CDH3: variants seen among roughly 807,000 people sequenced by gnomAD.
CDH3 encodes cadherin 3.
In CDH3, 54 loss-of-function variants were observed where a neutral mutation model predicts 82.0. The observed-to-expected ratio is 0.66, with a 90% CI of 0.53 to 0.83. The LOEUF is 0.83. Among genes scored for constraint, CDH3 ranks in the 40% least tolerant of loss-of-function variants. The pLI, the probability that CDH3 is intolerant of heterozygous loss-of-function variation, is 0.00. For missense variants in CDH3, 1,054 were observed against 1,084.6 expected (o/e 0.97, Z 0.40); for synonymous variants, 446 against 437.9 (o/e 1.02, Z -0.23).
rs376402321 is a variant in CDH3 at position 68,707,935 on chromosome 16, C to T, written c.99+12012C>T. On this transcript the variant is annotated intron_variant, in intron 1 of 2. Transcript: ENST00000569080. This position sits in a 1 kb window ranked among gnomAD's most constrained non-coding sequence, Gnocchi z 4.5. ...CCACTGTTGTCCATCCGGTAAACCA[C>T]GGCCAGCCCACAGCTGACAGGGCAG... is the stretch of plus-strand genomic sequence containing the variant. 6.6e-6 allele frequency among the ~76,000 whole-genome samples: 1 copy of T among 152,048 alleles called. No homozygotes were observed. Among genetic ancestry groups the T allele is most frequent in the East Asian group, 1.9e-4 (1 of 5,180 alleles).
chr16:68,724,953 C>A (rs551733140), intron 2 of CDH3, among the ~76,000 whole-genome samples: 4 of 152,236 alleles, frequency 2.6e-5, no homozygotes, highest in Admixed American at 6.5e-5. Flanking sequence ...TTTATCTCTC[C>A]GTCCCAAGTA....
chr16:68,670,028 G>T (rs931845948), intron 2 of CDH3, among the ~76,000 whole-genome samples: 15 of 151,936 alleles, frequency 9.9e-5, no homozygotes, highest in Non-Finnish European at 4.4e-5. Context: ...TTTGAGACCA[G>T]CCTGACCAAC....
At chr16:68,721,213 C>T (rs561273826) in intron 1 of CDH3, among the ~76,000 whole-genome samples, 2 of 145,938 alleles carry the variant, frequency 1.4e-5, no homozygotes, top group African/African-American at 2.5e-5. Flanking sequence ...GGACCTTACC[C>T]TTTATGCAGT....
chr16:68,677,285 C>CATTTCTTGTACATTTT (rs1597805745), intron 3 of CDH3, among the ~76,000 whole-genome samples: 2 of 152,276 alleles, frequency 1.3e-5, no homozygotes, highest in East Asian at 3.9e-4. Context: ...CTGACTTCAT[C>CATTTCTTGTACATTTT]CATGTACAAG....
chr16:68,687,451 GC>G (rs1022785615), intron 11 of CDH3, 60 bp from the exon 12 acceptor site: 4 of 1,357,482 alleles, frequency 2.9e-6, no homozygotes, highest in Admixed American at 3.4e-5. Context: ...AACAGGAGGA[GC>G]CCCCCTGAGG....
rs897013928 is a variant in CDH3, at chr16:68,678,952, C to T, written c.691+46C>T. ...ACTGCTACGGGGCTGGGCCCACACCCTTAAATGCTAAAAGATCCCACCATA... is the reference window on the plus strand; with the variant it reads ...ACTGCTACGGGGCTGGGCCCACACCTTTAAATGCTAAAAGATCCCACCATA... On this transcript the variant is annotated intron_variant, in intron 6 of 15. Coordinates refer to ENST00000264012, the MANE Select transcript of CDH3 (RefSeq NM_001793.6). The T allele has an allele frequency of 2.5e-6, 4 of 1,595,450 alleles. No individual in the cohort carries two copies. The African/African-American group carries it at 4.0e-5, about 16-fold the overall frequency.
At chr16:68,676,164 C>G (rs532416877) in intron 2 of CDH3, among the ~76,000 whole-genome samples, 1 of 152,320 alleles carries the variant, frequency 6.6e-6, no homozygotes, top group East Asian at 1.9e-4. Context: ...GACCCACAAA[C>G]TGACCACCAG....
chr16:68,671,739 C>T (rs1263460354), intron 2 of CDH3, among the ~76,000 whole-genome samples: 2 of 152,046 alleles, frequency 1.3e-5, no homozygotes, highest in African/African-American at 4.8e-5. Flanking sequence ...CCAGGCTGAT[C>T]TCAAACTCCT....
chr16:68,699,177 G>A lies in CDH3; in HGVS notation c.*777G>A, dbSNP rs1961839274. On this transcript the variant is annotated 3_prime_UTR_variant, in exon 16 of 16. Transcript: ENST00000264012. ...GAGTTCTGCAAAAAGAGTGGGCTCT[G>A]TTTACCCTGCTGGCTTCACCCAAGC... The A allele has an allele frequency of 6.6e-6, 1 of 152,182 alleles. No individual in the cohort carries two copies. Among genetic ancestry groups the A allele is most frequent in the Admixed American group, 6.5e-5 (1 of 15,272 alleles). 9.4% of individuals were successfully genotyped at this position (152,182 alleles called of 1,614,324 possible).
downstream of CDH3, among the ~76,000 whole-genome samples, chr16:68,701,326 A>T (rs758349315): frequency 1.3e-5 from 2 of 152,122 alleles, no homozygotes; most frequent in African/African-American, 4.8e-5. Context: ...CCTGCTTCTC[A>T]TCTGCAAAAC....
At chr16:68,690,651 G>A (rs1321770111) in intron 12 of CDH3, among the ~76,000 whole-genome samples, 2 of 151,922 alleles carry the variant, frequency 1.3e-5, no homozygotes, top group East Asian at 3.9e-4. Context: ...GCTCACGCCT[G>A]TAATCCCAGC....
chr16:68,709,114 T>C (rs1961998351), intron 1 of CDH3, among the ~76,000 whole-genome samples: 1 of 152,046 alleles, frequency 6.6e-6, no homozygotes, highest in African/African-American at 2.4e-5. Flanking sequence ...TCTCACTCCA[T>C]CTACTAGGCT....
downstream of CDH3, among the ~76,000 whole-genome samples, chr16:68,729,346 C>A (rs966577373): frequency 9.9e-5 from 15 of 152,112 alleles, no homozygotes; most frequent in Non-Finnish European, 2.1e-4. Flanking sequence ...GAACAAATGA[C>A]CCTGTGTGTT....
At chr16:68,650,682 A>G (rs1272850944) in intron 2 of CDH3, among the ~76,000 whole-genome samples, 1 of 152,138 alleles carries the variant, frequency 6.6e-6, no homozygotes, top group Non-Finnish European at 1.5e-5. Context: ...GGGAAGAGGC[A>G]AGGCAACTGG....
At chr16:68,712,174 C>T (rs531736943) in intron 1 of CDH3, among the ~76,000 whole-genome samples, 3 of 151,538 alleles carry the variant, frequency 2.0e-5, no homozygotes, top group Admixed American at 2.0e-4. Flanking sequence ...GTAGCTGGCA[C>T]TACAGGTGCA....
At chr16:68,700,879 T>C (rs188179284), downstream of CDH3, among the ~76,000 whole-genome samples, 1 of 152,104 alleles carries the variant, frequency 6.6e-6, no homozygotes, top group Admixed American at 6.6e-5. Flanking sequence ...TGAAGTCGGA[T>C]GAGAAAGCTC....
chr16:68,666,588 A>G (rs375271962), intron 2 of CDH3, among the ~76,000 whole-genome samples: 5 of 152,248 alleles, frequency 3.3e-5, no homozygotes, highest in African/African-American at 1.2e-4. Context: ...CTCACTGGCC[A>G]CCATCTTGGT....
intron 2 of CDH3, among the ~76,000 whole-genome samples, chr16:68,654,929 A>C (rs192890722): frequency 6.6e-6 from 1 of 151,378 alleles, no homozygotes; most frequent in South Asian, 2.1e-4. Flanking sequence ...CTAGCTACTC[A>C]GGAGGCTGAG....
chr16:68,717,193 T>C (rs1394484727), intron 1 of CDH3, among the ~76,000 whole-genome samples: 1 of 152,226 alleles, frequency 6.6e-6, no homozygotes, highest in Non-Finnish European at 1.5e-5. Context: ...TTATTACTTG[T>C]ATAATTTTTC....
Sources: gnomAD v4.1 joint callset for allele counts (sites outside exome capture counted in the v4.1 genomes callset) on GRCh38, gnomAD v4.1.1 for gene constraint, Gnocchi (gnomAD v3.1) non-coding constraint, MANE v1.5 for transcripts, NCBI Gene and HGNC (gene_info 2026-07-23, HGNC 2026-07-21) for gene names.